The following SMG6 variants were observed in gnomAD, a reference collection of about 807,000 sequenced individuals.
The protein encoded by SMG6 is SMG6 nonsense mediated mRNA decay factor.
A neutral mutation model predicts 142.2 loss-of-function variants in SMG6; 66 were observed. The ratio of observed to expected loss-of-function variants is 0.46; its 90% CI spans 0.38 to 0.57. The LOEUF is 0.57. Among genes scored for constraint, SMG6 ranks in the 20% least tolerant of loss-of-function variants. The pLI is 0.00. For synonymous variants in SMG6, 779 were observed against 702.4 expected (o/e 1.11, Z -1.72); for missense variants, 1,793 against 1,832.0 (o/e 0.98, Z 0.39).
chr17:2,074,763 A>C (rs143018463), intron 15 of SMG6, among the ~76,000 whole-genome samples: 6 of 152,346 alleles, frequency 3.9e-5, no homozygotes, highest in African/African-American at 1.4e-4. Context: ...TCAGAGCTGA[A>C]GGGCACTTAA....
At chr17:2,153,179 TA>T (rs1461669347) in intron 13 of SMG6, among the ~76,000 whole-genome samples, 3 of 152,220 alleles carry the variant, frequency 2.0e-5, no homozygotes, top group Admixed American at 6.5e-5. Context: ...GACTTTTTTT[TA>T]AAGCTTATTA....
intron 13 of SMG6, among the ~76,000 whole-genome samples, chr17:2,134,394 G>A (rs2070223416): frequency 7.3e-6 from 1 of 137,068 alleles, no homozygotes. Context: ...CTGGGAGCCT[G>A]GGCGATAAGA....
At chr17:2,277,956 G>A (rs1329504248) in intron 8 of SMG6, among the ~76,000 whole-genome samples, 2 of 152,140 alleles carry the variant, frequency 1.3e-5, no homozygotes, top group Non-Finnish European at 1.5e-5. Flanking sequence ...ACTAAGGCAG[G>A]AGGATCACTT....
intron 8 of SMG6, among the ~76,000 whole-genome samples, chr17:2,275,341 G>C (rs1023076686): frequency 1.3e-5 from 2 of 152,182 alleles, no homozygotes; most frequent in Non-Finnish European, 2.9e-5. Context: ...AAGATCACTT[G>C]AACTCAGGAG....
intron 11 of SMG6, among the ~76,000 whole-genome samples, chr17:2,187,130 G>C (rs1333307703): frequency 6.6e-6 from 1 of 152,180 alleles, no homozygotes; most frequent in East Asian, 1.9e-4. Flanking sequence ...ACAGTACCAA[G>C]ATGGCACCAG....
intron 10 of SMG6, among the ~76,000 whole-genome samples, chr17:2,222,594 C>T (rs1216255094): frequency 8.2e-6 from 1 of 121,732 alleles, no homozygotes; most frequent in African/African-American, 3.2e-5. Context: ...TATATGAAGG[C>T]CTTGTAAATA....
At chr17:2,140,011 C>T (rs1407547010) in intron 13 of SMG6, among the ~76,000 whole-genome samples, 2 of 152,138 alleles carry the variant, frequency 1.3e-5, no homozygotes, top group African/African-American at 4.8e-5. Flanking sequence ...CAGGCGTGAG[C>T]CACCACGCCC....
At position 2,236,562 on chromosome 17, in the gene SMG6, G is replaced by A. The variant is rs1215948482; in HGVS notation, c.2799C>T (p.Pro933=). 2.5e-6 allele frequency: 4 copies of A among 1,613,712 alleles called. No homozygotes were observed. Among genetic ancestry groups the A allele is most frequent in the Non-Finnish European group, 3.4e-6 (4 of 1,179,868 alleles). ...FQVLLQHSPS[P]IGSTRMLQLM... ...GCTGCAGCATGCGGGTACTTCCAAT[G>A]GGAGAGGGGCTGTGCTGCAGTAACA... The change falls in exon 10 of 19, where the codon CCC becomes CCT. Residue 933 remains proline, a synonymous_variant. Coordinates refer to ENST00000263073, the MANE Select transcript of SMG6 (RefSeq NM_017575.5).
At chr17:2,166,854 G>C (rs1221643208) in intron 13 of SMG6, among the ~76,000 whole-genome samples, 5 of 152,190 alleles carry the variant, frequency 3.3e-5, no homozygotes, top group South Asian at 2.1e-4. Flanking sequence ...GCCAGGCACA[G>C]TGGCTCATGC....
At chr17:2,300,705 G>A (rs1458670109) in intron 1 of SMG6, 41 bp from the exon 2 acceptor site, 4 of 1,505,462 alleles carry the variant, frequency 2.7e-6, no homozygotes, top group Admixed American at 4.5e-5. Context: ...AAAGGTAGAA[G>A]ATAAGAATAA....
intron 13 of SMG6, among the ~76,000 whole-genome samples, chr17:2,151,518 T>C (rs922081410): frequency 1.3e-5 from 2 of 152,224 alleles, no homozygotes; most frequent in African/African-American, 4.8e-5. Flanking sequence ...TCCACTGTCC[T>C]GGAGAAATGG....
intron 8 of SMG6, among the ~76,000 whole-genome samples, chr17:2,266,962 G>C (rs1301112356): frequency 6.6e-6 from 1 of 152,106 alleles, no homozygotes; most frequent in Non-Finnish European, 1.5e-5. Context: ...CCACTAAGCT[G>C]TTTCTCATGG....
At chr17:2,077,251 G>T (rs2068284628) in intron 15 of SMG6, among the ~76,000 whole-genome samples, 1 of 152,218 alleles carries the variant, frequency 6.6e-6, no homozygotes. Context: ...ATTCCAAGGA[G>T]TGCACAGACA....
chr17:2,287,222 A>G (rs1466507102), intron 6 of SMG6, among the ~76,000 whole-genome samples: 1 of 152,222 alleles, frequency 6.6e-6, no homozygotes, highest in African/African-American at 2.4e-5. Context: ...CCCGGCTAAA[A>G]TAACAATTTT....
intron 10 of SMG6, among the ~76,000 whole-genome samples, chr17:2,223,125 A>G (rs1270876936): frequency 1.3e-5 from 2 of 152,194 alleles, no homozygotes; most frequent in African/African-American, 4.8e-5. Context: ...AAGCTGACAC[A>G]GCCTAAAGCC....
At chr17:2,193,593 C>T (rs1040882802) in intron 10 of SMG6, among the ~76,000 whole-genome samples, 1 of 152,152 alleles carries the variant, frequency 6.6e-6, no homozygotes, top group Non-Finnish European at 1.5e-5. Context: ...TGACTTCTCC[C>T]ATTAATTCCG....
chr17:2,105,478 G>C (rs1006268390), intron 13 of SMG6, among the ~76,000 whole-genome samples: 1 of 152,086 alleles, frequency 6.6e-6, no homozygotes, highest in Non-Finnish European at 1.5e-5. Flanking sequence ...GGGAGGCGGA[G>C]AGTGCAGTGA....
chr17:2,303,311 C>A, intron 1 of SMG6: 1 of 1,132,164 alleles, frequency 8.8e-7, no homozygotes. Flanking sequence ...CCACTCCTTT[C>A]CGCGTCTCCC....
intron 13 of SMG6, among the ~76,000 whole-genome samples, chr17:2,122,971 G>A (rs113987515): frequency 6.6e-6 from 1 of 152,258 alleles, no homozygotes; most frequent in Non-Finnish European, 1.5e-5. Flanking sequence ...GTGGCAGAAA[G>A]CCACTCTCTG....
Sources: allele counts gnomAD v4.1 joint callset (sites outside exome capture counted in the v4.1 genomes callset), GRCh38; gene constraint gnomAD v4.1.1; transcripts MANE v1.5; gene names NCBI Gene and HGNC (gene_info 2026-07-23, HGNC 2026-07-21).